The following PTOV1 variants were observed in gnomAD, a reference collection of about 807,000 sequenced individuals.
PTOV1 encodes prostate tumor-overexpressed gene 1 protein.
Under a neutral mutation model 58.0 loss-of-function variants are expected in PTOV1, and 20 were observed. The ratio of observed to expected loss-of-function variants is 0.34; its 90% CI spans 0.24 to 0.50. The LOEUF is 0.50. PTOV1 is among the 20% of genes least tolerant of loss of function. PTOV1 has a pLI of 0.98. For synonymous variants in PTOV1, 335 were observed against 234.2 expected (o/e 1.43, Z -3.93); for missense variants, 593 against 565.4 (o/e 1.05, Z -0.50).
At chr19:49,857,249 C>T in intron 6 of PTOV1, 119 bp downstream of exon 6, 1 of 1,396,774 alleles carries the variant, frequency 7.2e-7, no homozygotes, top group Non-Finnish European at 9.9e-7. Context: ...CAAGGAGCTG[C>T]AGGGGAGCCC....
chr19:49,858,891 C>G (rs1039312302), intron 10 of PTOV1: 6 of 494,280 alleles, frequency 1.2e-5, no homozygotes, highest in East Asian at 3.1e-5. Flanking sequence ...AGGGCTGACT[C>G]AGCACCAACT....
chr19:49,851,452 C>G, exon 1 of PTOV1: 3 of 1,221,662 alleles, frequency 2.5e-6, no homozygotes, highest in Non-Finnish European at 3.1e-6. Context: ...TGCCAGCCCC[C>G]GAGGCCCGCA....
chr19:49,855,172 C>T, intron 5 of PTOV1, 95 bp downstream of exon 5: 2 of 1,248,650 alleles, frequency 1.6e-6, no homozygotes, highest in Middle Eastern at 2.1e-4. Flanking sequence ...CGGGGGGTCT[C>T]CCCTGGGGCC....
chr19:49,853,901 G>A (rs370559240), intron 1 of PTOV1, among the ~76,000 whole-genome samples: 1 of 152,222 alleles, frequency 6.6e-6, no homozygotes, highest in Non-Finnish European at 1.5e-5. Flanking sequence ...TGAGCCAGAG[G>A]AAGGAATTGA....
chr19:49,851,177 A>C (rs930037702), exon 1 of PTOV1: 17 of 1,223,706 alleles, frequency 1.4e-5, no homozygotes, highest in Non-Finnish European at 1.6e-5. Flanking sequence ...GGCCGCGGCG[A>C]CCCCACTCCG....
intron 10 of PTOV1, among the ~76,000 whole-genome samples, chr19:49,859,705 C>T (rs2074661642): frequency 6.6e-6 from 1 of 152,170 alleles, no homozygotes; most frequent in Admixed American, 6.5e-5. Flanking sequence ...GCTCAGGTGG[C>T]TGTGGTGAGG....
rs777899208 is a variant in PTOV1, at chr19:49,858,601, C to T, written c.989C>T (p.Thr330Ile). 2.5e-5 allele frequency: 40 copies of T among 1,607,124 alleles called. No homozygotes were observed. In the East Asian group the frequency reaches 7.6e-4, roughly 31 times the overall value. ...TCGCGCCTGGTCCAGTTCCACTTCA[C>T]CAAGGACCTGGAGACACTGAAGAGC... is the stretch of plus-strand genomic sequence containing the variant. Residue 330 changes from threonine to isoleucine, a missense_variant, in exon 10 of 12, where the codon ACC becomes ATC. By Grantham distance (89) the Thr-to-Ile change is moderately conservative (BLOSUM62 -1). Transcript: ENST00000391842.
At chr19:49,852,738 G>T (rs1266640288) in intron 1 of PTOV1, 2 of 152,130 alleles carry the variant, frequency 1.3e-5, no homozygotes, top group Non-Finnish European at 2.9e-5. Context: ...TGTCGCTTGG[G>T]CTCTTAAGTG....
chr19:49,855,206 G>A lies in PTOV1; in HGVS notation c.558+129G>A, dbSNP rs567907236. 2.1e-4 allele frequency: 181 copies of A among 855,172 alleles called. No homozygotes were observed. In the African/African-American group the frequency reaches 2.7e-3, roughly 13 times the overall value. The allele number at this position is 855,172 out of a possible 1,614,324, so 53.0% of individuals were successfully genotyped here. A position where few individuals can be genotyped will look rare whatever the true frequency, so the allele number is the denominator to read the frequency against. ...CCGAGGGTAGCCCTCGTGGCCTCTC[G>A]GACCCCATCTGGAAATGACTGACTC... On this transcript the variant is annotated intron_variant, in intron 5 of 11. Transcript: ENST00000391842.
chr19:49,850,730 C>A (rs934823227), upstream of PTOV1: 1 of 931,398 alleles, frequency 1.1e-6, no homozygotes, highest in African/African-American at 1.7e-5. Context: ...CGACTGCAAA[C>A]CTTCAGCTGT....
intron 1 of PTOV1, chr19:49,852,940 C>T (rs552581935): frequency 1.3e-5 from 2 of 152,312 alleles, no homozygotes; most frequent in East Asian, 3.9e-4. Context: ...GTGCCTGAAG[C>T]CCCCGGGGCA....
chr19:49,854,965 C>G lies in PTOV1; in HGVS notation c.451-5C>G, dbSNP rs2074399591. 6.3e-7 allele frequency: 1 copy of G among 1,599,564 alleles called. No individual in the cohort carries two copies. Among genetic ancestry groups the G allele is most frequent in the African/African-American group, 1.3e-5 (1 of 74,452 alleles). On this transcript the variant is annotated splice_polypyrimidine_tract_variant and splice_region_variant and intron_variant, in intron 4 of 11. Coordinates refer to ENST00000391842, the Ensembl canonical transcript of PTOV1. ...TGACCCAGCTGTCTGTCCTGTCGCC[C>G]CCAGACCACCCTGGGCCCCCTGTTC...
upstream of PTOV1, chr19:49,851,125 CGCT>C: frequency 7.5e-7 from 1 of 1,337,296 alleles, no homozygotes; most frequent in Middle Eastern, 2.8e-4. Flanking sequence ...CCCTCGGACG[CGCT>C]TGGTACGCGC....
chr19:49,860,285 A>G (rs1374483559), exon 12 of PTOV1: 1 of 1,532,294 alleles, frequency 6.5e-7, no homozygotes, highest in Admixed American at 1.8e-5. Flanking sequence ...GGTAGTGGTT[A>G]CCCCGGGCTG....
chr19:49,852,475 G>C (rs769630379), intron 1 of PTOV1: 1 of 152,216 alleles, frequency 6.6e-6, no homozygotes, highest in Non-Finnish European at 1.5e-5. Flanking sequence ...GCAAGTACTA[G>C]ATGGGCTTCC....
chr19:49,852,747 T>C (rs1230547738), intron 1 of PTOV1: 1 of 152,224 alleles, frequency 6.6e-6, no homozygotes, highest in Non-Finnish European at 1.5e-5. Context: ...GGCTCTTAAG[T>C]GCGTTCTCCT....
exon 7 of PTOV1, chr19:49,857,733 T>G (rs762455119): frequency 6.2e-7 from 1 of 1,614,144 alleles, no homozygotes; most frequent in Non-Finnish European, 8.5e-7. Context: ...CCAGTCCAGA[T>G]CGTCAACAAC....
chr19:49,856,497 C>T (rs2074473875), intron 5 of PTOV1: 1 of 171,338 alleles, frequency 5.8e-6, no homozygotes, highest in South Asian at 1.3e-4. Context: ...TCAAGAGGCA[C>T]CAGCACTTTA....
intron 1 of PTOV1, chr19:49,851,867 C>CG (rs1250522302): frequency 8.8e-5 from 62 of 700,756 alleles, no homozygotes; most frequent in Non-Finnish European, 1.1e-4. Flanking sequence ...GAAATGGGGG[C>CG]GGTTTTGGGG....
Sources: gnomAD v4.1 joint callset for allele counts (sites outside exome capture counted in the v4.1 genomes callset) on GRCh38, gnomAD v4.1.1 for gene constraint, MANE v1.5 for transcripts, NCBI Gene and HGNC (gene_info 2026-07-23, HGNC 2026-07-21) for gene names.